CHMP1A: variants seen among roughly 807,000 people sequenced by gnomAD.
The protein encoded by CHMP1A is charged multivesicular body protein 1A.
A neutral mutation model predicts 27.0 loss-of-function variants in CHMP1A; 17 were observed. That is an observed-to-expected ratio of 0.63 (90% CI 0.43 to 0.95). CHMP1A has a LOEUF of 0.95. Ranked by LOEUF, CHMP1A falls within the 40% of genes least tolerant of loss-of-function variation. The pLI, the probability that CHMP1A is intolerant of heterozygous loss-of-function variation, is 0.00. For missense variants in CHMP1A, 275 were observed against 264.0 expected, an observed-to-expected ratio of 1.04 and a Z score of -0.29; for synonymous variants, 131 against 107.5, an observed-to-expected ratio of 1.22 and a Z score of -1.35.
At chr16:89,655,434 T>TTTCCCTCACCTCAGCC in intron 1 of CHMP1A, among the ~76,000 whole-genome samples, 1 of 150,828 alleles carries the variant, frequency 6.6e-6, no homozygotes, top group African/African-American at 2.4e-5. Flanking sequence ...TCACCTCAGC[T>TTTCCCTCACCTCAGCC]CTCCTCACCT....
chr16:89,657,514 C>T, intron 1 of CHMP1A, 68 bp downstream of exon 1: 1 of 1,591,906 alleles, frequency 6.3e-7, no homozygotes, highest in Non-Finnish European at 8.5e-7. Context: ...GTGGGCGGAG[C>T]CCACGCCAGT....
chr16:89,649,334 C>T lies in CHMP1A; in HGVS notation c.252+17G>A. ...CCAGCGAACGCCACCCATCCAGCAC[C>T]AGGGCCCAGCACTCACCCCCTTCAT... On this transcript the variant is annotated intron_variant, in intron 4 of 6. Coordinates refer to ENST00000397901, the MANE Select transcript of CHMP1A (RefSeq NM_002768.5). The T allele has an allele frequency of 6.2e-7, 1 of 1,605,616 alleles. No individual in the cohort carries two copies. Among genetic ancestry groups the T allele is most frequent in the Admixed American group, 1.7e-5 (1 of 59,680 alleles).
chr16:89,657,212 T>A (rs1203762369), intron 1 of CHMP1A, among the ~76,000 whole-genome samples: 1 of 90,544 alleles, frequency 1.1e-5, no homozygotes, highest in African/African-American at 4.4e-5. Flanking sequence ...GTAGAGGCCC[T>A]GGGGAAGGGG....
rs370465030 is a variant in CHMP1A at position 89,657,453 on chromosome 16, G to A, written c.7+129C>T. 34 of 1,168,404 alleles carry A rather than the reference G, an allele frequency of 2.9e-5. No individual in the cohort carries two copies. In the African/African-American group the frequency reaches 4.6e-4, roughly 16 times the overall value. The allele number at this position is 1,168,404 out of a possible 1,614,324, so 72.4% of individuals were successfully genotyped here. A position where few individuals can be genotyped will look rare whatever the true frequency, so the allele number is the denominator to read the frequency against. On this transcript the variant is annotated intron_variant, in intron 1 of 6. Transcript: ENST00000397901. Reference sequence around the variant, plus strand: ...CGAGGCCCTGGGGATGGGGTCCCGGGGGATCGACGGTCGAGGCCCGAGCTC... The same window carrying A: ...CGAGGCCCTGGGGATGGGGTCCCGGAGGATCGACGGTCGAGGCCCGAGCTC...
Position 89,656,814 on chromosome 16 carries a change from GGC to G in CHMP1A, c.7+766_7+767del, listed in dbSNP as rs368220276. The stretch of plus-strand genomic sequence containing the variant: ...ATTCCAAGTCCCGAAAGGCCGAACA[GGC>G]ATCGCACAGTCCCCCCTACCGAGCT... On this transcript the variant is annotated intron_variant, in intron 1 of 6. Transcript: ENST00000397901. Among the ~76,000 whole-genome samples, 256 of 152,252 alleles carry G rather than the reference GGC, an allele frequency of 1.7e-3. 1 individual carries two copies. The highest frequency in any genetic ancestry group is 6.0e-3 in the African/African-American group (248 of 41,584).
chr16:89,656,197 C>G (rs969844346), intron 1 of CHMP1A, among the ~76,000 whole-genome samples: 1 of 152,176 alleles, frequency 6.6e-6, no homozygotes, highest in African/African-American at 2.4e-5. Context: ...AGTGAAGTGG[C>G]GCGATCTCGG....
At chr16:89,647,479 G>C (rs2059784387) in intron 4 of CHMP1A, 148 bp from the exon 5 acceptor site, 2 of 710,664 alleles carry the variant, frequency 2.8e-6, no homozygotes. Flanking sequence ...GCCATCATCT[G>C]GGTCCTATGG....
intron 1 of CHMP1A, 69 bp downstream of exon 1, chr16:89,657,513 G>C (rs1597796437): frequency 6.3e-7 from 1 of 1,580,982 alleles, no homozygotes; most frequent in Non-Finnish European, 8.6e-7. Flanking sequence ...GGTGGGCGGA[G>C]CCCACGCCAG....
chr16:89,656,282 A>G (rs1027054766), intron 1 of CHMP1A, among the ~76,000 whole-genome samples: 5 of 151,960 alleles, frequency 3.3e-5, no homozygotes, highest in Non-Finnish European at 5.9e-5. Flanking sequence ...GACTACAGGC[A>G]CCCGCCACCA....
chr16:89,651,457 G>A, intron 3 of CHMP1A, 112 bp downstream of exon 3: 3 of 749,434 alleles, frequency 4.0e-6, no homozygotes, highest in Non-Finnish European at 6.8e-6. Flanking sequence ...TGTAGAAAGT[G>A]CCCTGCCCCT....
intron 6 of CHMP1A, among the ~76,000 whole-genome samples, 179 bp from the exon 7 acceptor site, chr16:89,646,266 T>C (rs2059772590): frequency 6.6e-6 from 1 of 152,176 alleles, no homozygotes; most frequent in Non-Finnish European, 1.5e-5. Context: ...GGGTGCAGTA[T>C]TCTAAAGTGT....
Position 89,647,293 on chromosome 16 carries a change from G to C in CHMP1A, c.291C>G (p.Asp97Glu). The C allele has an allele frequency of 1.2e-6, 2 of 1,611,788 alleles. No homozygotes were observed. Among genetic ancestry groups the C allele is most frequent in the Non-Finnish European group, 1.7e-6 (2 of 1,178,788 alleles). The change falls in exon 5 of 7, where the codon GAC becomes GAG. Residue 97 changes from aspartate (D) to glutamate (E), a missense_variant. Coordinates refer to ENST00000397901, the MANE Select transcript of CHMP1A (RefSeq NM_002768.5). ...KNMAQVTKAL[D>E]KALSTMDLQK... ...GCAGGTCCATGGTGCTCAGGGCCTT[G>C]TCCAGGGCTTTGGTCACCTGGGCCA...
chr16:89,646,137 GACC>G, intron 6 of CHMP1A, 50 bp from the exon 7 acceptor site: 3 of 1,487,154 alleles, frequency 2.0e-6, no homozygotes, highest in Non-Finnish European at 2.7e-6. Context: ...GGGGGCCTCT[GACC>G]ACCACGTGCT....
At chr16:89,650,831 G>T (rs953128568) in intron 3 of CHMP1A, among the ~76,000 whole-genome samples, 4 of 151,338 alleles carry the variant, frequency 2.6e-5, no homozygotes, top group Non-Finnish European at 2.9e-5. Context: ...GATCGTGGCA[G>T]ACAGCTAGCT....
At chr16:89,649,284 A>G in intron 4 of CHMP1A, 67 bp downstream of exon 4, 1 of 1,572,444 alleles carries the variant, frequency 6.4e-7, no homozygotes. Flanking sequence ...CCAGATCCAG[A>G]CCGCAGAGCC....
intron 4 of CHMP1A, among the ~76,000 whole-genome samples, chr16:89,647,622 C>T (rs1353025363): frequency 9.2e-6 from 1 of 108,148 alleles, no homozygotes; most frequent in Non-Finnish European, 2.1e-5. Flanking sequence ...AGTGCGGGGT[C>T]GGTGGAGAAA....
At position 89,645,602 on chromosome 16, in the gene CHMP1A, A is replaced by AT; in HGVS notation, c.*463_*464insA. On this transcript the variant is annotated 3_prime_UTR_variant, in exon 7 of 7. Transcript: ENST00000397901. ...GGTGGCACCTGACATCCCCCAGCAC[A>AT]CATAGACCTGTGGTGCCTCCTTGGG... The AT allele has an allele frequency of 3.7e-6, 1 of 272,908 alleles. No individual in the cohort carries two copies. Among genetic ancestry groups the AT allele is most frequent in the South Asian group, 3.2e-5 (1 of 31,066 alleles). 16.9% of individuals were successfully genotyped at this position (272,908 alleles called of 1,614,324 possible). A position where few individuals can be genotyped will look rare whatever the true frequency, so the allele number is the denominator to read the frequency against.
rs775268822 is a variant in CHMP1A, at chr16:89,645,511, C to T, written c.*555G>A. The T allele has an allele frequency of 1.1e-4, 18 of 169,432 alleles. No homozygotes were observed. The highest frequency in any genetic ancestry group is 2.1e-4 in the Non-Finnish European group (16 of 77,740). The allele number at this position is 169,432 out of a possible 1,614,324, so 10.5% of individuals were successfully genotyped here. The stretch of plus-strand genomic sequence containing the variant: ...GGCTCAGCCAGCTGGTAGGGGCGGC[C>T]GAGACACCACCCCTGGAGTGATGGA... On this transcript the variant is annotated 3_prime_UTR_variant, in exon 7 of 7. Transcript: ENST00000397901.
Position 89,647,269 on chromosome 16 carries a change from C to T in CHMP1A, c.315G>A (p.Leu105=), listed in dbSNP as rs773783374. Residue 105 remains leucine, a synonymous_variant, in exon 5 of 7, where the codon CTG becomes CTA. Coordinates refer to ENST00000397901, the MANE Select transcript of CHMP1A (RefSeq NM_002768.5). Reference sequence around the variant, plus strand: ...TGTCCATCACTGAGGAGACCTTCTGCAGGTCCATGGTGCTCAGGGCCTTGT... The same window carrying T: ...TGTCCATCACTGAGGAGACCTTCTGTAGGTCCATGGTGCTCAGGGCCTTGT... ...ALDKALSTMD[L]QKVSSVMDRF... 6.2e-7 allele frequency: 1 copy of T among 1,611,378 alleles called. No individual in the cohort carries two copies. Among genetic ancestry groups the T allele is most frequent in the Non-Finnish European group, 8.5e-7 (1 of 1,178,980 alleles).
Sources: gnomAD v4.1 joint callset for allele counts (sites outside exome capture counted in the v4.1 genomes callset) on GRCh38, gnomAD v4.1.1 for gene constraint, MANE v1.5 for transcripts, NCBI Gene and HGNC (gene_info 2026-07-23, HGNC 2026-07-21) for gene names.